PACRG: variants seen among roughly 807,000 people sequenced by gnomAD.
PACRG encodes parkin coregulated, also known as parkin coregulated gene protein.
In PACRG, 29 loss-of-function variants were observed where a neutral mutation model predicts 29.7. The observed-to-expected ratio is 0.98, with a 90% CI of 0.73 to 1.33. PACRG has a LOEUF of 1.33. PACRG is among the 40% of genes most tolerant of loss of function. PACRG has a pLI of 0.00. For synonymous variants in PACRG, 116 were observed against 118.7 expected, an observed-to-expected ratio of 0.98 and a Z score of 0.15; for missense variants, 279 against 316.2, an observed-to-expected ratio of 0.88 and a Z score of 0.89.
At chr6:163,242,763 T>A (rs764919839) in intron 4 of PACRG, among the ~76,000 whole-genome samples, 1 of 152,254 alleles carries the variant, frequency 6.6e-6, no homozygotes, top group Non-Finnish European at 1.5e-5. Context: ...GTGTCATTTA[T>A]GGCAATGAAT....
intron 2 of PACRG, among the ~76,000 whole-genome samples, chr6:162,966,629 A>G (rs535916685): frequency 1.2e-4 from 18 of 151,950 alleles, no homozygotes; most frequent in African/African-American, 4.3e-4. Context: ...GGCGCCCTCC[A>G]CCATGCCCGG....
intron 2 of PACRG, among the ~76,000 whole-genome samples, chr6:162,981,703 A>C (rs1013524707): frequency 6.6e-6 from 1 of 152,026 alleles, no homozygotes; most frequent in Non-Finnish European, 1.5e-5. Context: ...TGTGTCATCT[A>C]TGATTTCTTT....
rs1320948463 is a variant in PACRG at position 162,986,472 on chromosome 6, G to A, written c.292-75678G>A. 2.0e-5 allele frequency among the ~76,000 whole-genome samples: 3 copies of A among 152,044 alleles called. No individual in the cohort carries two copies. The East Asian group carries it at 5.8e-4, about 29-fold the overall frequency. ...ACATAAAGTGGGGAAAGGACACCCT[G>A]TTCAACAAATGGTGCTGGGAATATT... is the stretch of plus-strand genomic sequence containing the variant. On this transcript the variant is annotated intron_variant, in intron 2 of 4. Transcript: ENST00000366888.
intron 2 of PACRG, among the ~76,000 whole-genome samples, chr6:162,932,670 A>G (rs973424951): frequency 7.2e-5 from 11 of 151,812 alleles, no homozygotes; most frequent in Non-Finnish European, 1.2e-4. Context: ...TTGTAGTTGT[A>G]TAGTTGTTTA....
At chr6:163,177,145 C>T (rs1435247779) in intron 4 of PACRG, among the ~76,000 whole-genome samples, 1 of 152,188 alleles carries the variant, frequency 6.6e-6, no homozygotes, top group Non-Finnish European at 1.5e-5. Flanking sequence ...GAAATAACAA[C>T]ATAACAGACG....
chr6:162,996,144 ACACACACAC>A (rs1163192944), intron 2 of PACRG, among the ~76,000 whole-genome samples: 7 of 152,212 alleles, frequency 4.6e-5, no homozygotes, highest in Non-Finnish European at 1.0e-4. Flanking sequence ...GTGTGCATGC[ACACACACAC>A]CACACACATG....
chr6:162,867,973 A>C (rs1010211887), intron 2 of PACRG, among the ~76,000 whole-genome samples: 2 of 152,184 alleles, frequency 1.3e-5, no homozygotes, highest in Admixed American at 6.5e-5. Flanking sequence ...TCTCATCAAT[A>C]AAAGGGAGAG....
intron 4 of PACRG, among the ~76,000 whole-genome samples, chr6:163,124,952 A>G (rs978060924): frequency 1.3e-5 from 2 of 152,268 alleles, no homozygotes; most frequent in African/African-American, 4.8e-5. Context: ...TCATGAAAAT[A>G]TAGCAAATAA....
chr6:162,857,799 A>ATAAT (rs900290441), intron 2 of PACRG, among the ~76,000 whole-genome samples: 1 of 151,708 alleles, frequency 6.6e-6, no homozygotes, highest in African/African-American at 2.4e-5. Flanking sequence ...GGTCTCTTTA[A>ATAAT]TAAACTAGAT....
intron 4 of PACRG, among the ~76,000 whole-genome samples, chr6:163,260,428 C>T (rs1041193297): frequency 3.3e-5 from 5 of 152,230 alleles, no homozygotes; most frequent in Admixed American, 2.6e-4. Context: ...GGCTTTAAAA[C>T]GCAGAGATTT....
At chr6:163,077,010 A>G (rs925011892) in intron 3 of PACRG, among the ~76,000 whole-genome samples, 1 of 152,244 alleles carries the variant, frequency 6.6e-6, no homozygotes, top group African/African-American at 2.4e-5. Context: ...AATAAGGTAC[A>G]TAACTGCTGT....
In PACRG at chr6:162,849,687, A is replaced by G. The variant is rs146812195; in HGVS notation, c.291+35406A>G. ...AAAAGTACAGAGATTATTGAAAACT[A>G]CAATTTAGTATTTGCAATTATTAAA... On this transcript the variant is annotated intron_variant, in intron 2 of 4. Coordinates refer to ENST00000366888, the MANE Select transcript of PACRG (RefSeq NM_001080379.2). 1.7e-3 allele frequency among the ~76,000 whole-genome samples: 258 copies of G among 152,358 alleles called. 3 individuals are homozygous for G. The East Asian group carries it at 0.041, about 24-fold the overall frequency.
intron 1 of PACRG, among the ~76,000 whole-genome samples, chr6:162,793,073 G>A (rs1433285990): frequency 1.3e-5 from 2 of 152,110 alleles, no homozygotes; most frequent in Admixed American, 6.5e-5. Flanking sequence ...CTCCTGGCAC[G>A]AGAGCTCCCT....
chr6:162,823,078 A>C (rs1787977153), intron 2 of PACRG, among the ~76,000 whole-genome samples: 1 of 152,136 alleles, frequency 6.6e-6, no homozygotes, highest in African/African-American at 2.4e-5. Context: ...ATTTTGTGGT[A>C]TGTGGAGAGA....
At chr6:163,143,059 GTT>G (rs1344880940) in intron 4 of PACRG, among the ~76,000 whole-genome samples, 4 of 152,180 alleles carry the variant, frequency 2.6e-5, no homozygotes, top group Non-Finnish European at 5.9e-5. Flanking sequence ...CTGAAGCTTA[GTT>G]AAAAGGAATA....
chr6:162,986,335 A>C (rs956641805), intron 2 of PACRG, among the ~76,000 whole-genome samples: 4 of 152,198 alleles, frequency 2.6e-5, no homozygotes, highest in African/African-American at 9.7e-5. Flanking sequence ...TAGTCACCAA[A>C]ACAGCATTGT....
At chr6:163,230,692 T>C (rs1295204426) in intron 4 of PACRG, among the ~76,000 whole-genome samples, 1 of 113,026 alleles carries the variant, frequency 8.8e-6, no homozygotes, top group Non-Finnish European at 2.1e-5. Context: ...GCAACAGTAA[T>C]TCACCTTCAA....
intron 3 of PACRG, among the ~76,000 whole-genome samples, chr6:163,068,037 C>G (rs1811707838): frequency 6.6e-6 from 1 of 152,134 alleles, no homozygotes. Context: ...TTTTATTTCC[C>G]TTTCTGGAGA....
At chr6:162,992,531 G>A (rs1334927297) in intron 2 of PACRG, among the ~76,000 whole-genome samples, 2 of 144,056 alleles carry the variant, frequency 1.4e-5, no homozygotes, top group African/African-American at 5.1e-5. Flanking sequence ...TTTGCATAGA[G>A]GTGTTTGTAG....
Sources: allele counts gnomAD v4.1 joint callset (sites outside exome capture counted in the v4.1 genomes callset), GRCh38; gene constraint gnomAD v4.1.1; transcripts MANE v1.5; gene names NCBI Gene and HGNC (gene_info 2026-07-23, HGNC 2026-07-21).